The following CLIP4 variants were observed in gnomAD, a reference collection of about 807,000 sequenced individuals.
The protein encoded by CLIP4 is CAP-Gly domain-containing linker protein 4.
CLIP4 carries 47 observed loss-of-function variants against 73.1 expected under a neutral mutation model. The ratio of observed to expected loss-of-function variants is 0.64; its 90% confidence interval spans 0.51 to 0.82. The LOEUF (loss-of-function observed/expected upper bound fraction) is 0.82, where lower values mean the gene tolerates loss of function less well. Ranked by LOEUF, CLIP4 falls within the 40% of genes least tolerant of loss-of-function variation. The pLI, the probability that CLIP4 is intolerant of heterozygous loss-of-function variation, is 0.00. For missense variants in CLIP4, 874 were observed against 852.9 expected (o/e 1.02, Z -0.31); for synonymous variants, 306 against 295.4 (o/e 1.04, Z -0.37).
chr2:29,130,712 T>C (rs1409733854), intron 2 of CLIP4: 1 of 1,220,796 alleles, frequency 8.2e-7, no homozygotes, highest in African/African-American at 1.6e-5. Flanking sequence ...GCTCTGCTTG[T>C]ATATGTGTCT....
chr2:29,105,003 T>C (rs1361112717), intron 1 of CLIP4, among the ~76,000 whole-genome samples: 1 of 152,142 alleles, frequency 6.6e-6, no homozygotes, highest in Non-Finnish European at 1.5e-5. Flanking sequence ...GGGACTCTGC[T>C]TTTGTCCAAT....
intron 2 of CLIP4, among the ~76,000 whole-genome samples, chr2:29,124,720 T>C (rs1664487405): frequency 6.6e-6 from 1 of 152,214 alleles, no homozygotes; most frequent in Non-Finnish European, 1.5e-5. Flanking sequence ...AATTAGCTGC[T>C]GATTTTTTCC....
chr2:29,157,218 T>C lies in CLIP4; in HGVS notation c.1270T>C (p.Ser424Pro). 6.2e-7 allele frequency: 1 copy of C among 1,614,064 alleles called. No homozygotes were observed. The highest frequency in any genetic ancestry group is 1.3e-5 in the African/African-American group (1 of 75,028). ...VTEKDVALLG[S>P]VSSCSSTSSL... ...ATCTGTTACAGTTGCCCTGCTTGGATCTGTCAGCAGCTGCTCCTCTACATC... is the reference window on the plus strand; with the variant it reads ...ATCTGTTACAGTTGCCCTGCTTGGACCTGTCAGCAGCTGCTCCTCTACATC... Residue 424 changes from serine to proline, a missense_variant, in exon 11 of 16, where the codon TCT becomes CCT. Physicochemically the swap from Ser to Pro is moderately conservative, Grantham distance 74 (BLOSUM62 -1). Transcript: ENST00000320081.
chr2:29,148,273 A>G (rs866710925), intron 8 of CLIP4, among the ~76,000 whole-genome samples: 7 of 152,182 alleles, frequency 4.6e-5, no homozygotes, highest in East Asian at 3.8e-4. Context: ...GAATTTCTCA[A>G]CAATGGTTTT....
intron 2 of CLIP4, chr2:29,130,012 C>G (rs1266287879): frequency 2.1e-6 from 1 of 471,112 alleles, no homozygotes; most frequent in Admixed American, 2.3e-5. Context: ...GTGTTTCACC[C>G]TTCCCCCTTT....
Position 29,145,316 on chromosome 2 carries a change from A to C in CLIP4, c.970A>C (p.Asn324His), listed in dbSNP as rs1326566138. The change falls in exon 8 of 16, where the codon AAT becomes CAT. Residue 324 changes from asparagine to histidine, a missense_variant. Asn to His is a moderately conservative substitution (Grantham distance 68). Coordinates refer to ENST00000320081, the MANE Select transcript of CLIP4 (RefSeq NM_024692.6). ...TGAACTGGATGAACCAGAAGGAAAA[A>C]ATAATGGAAGTGTTGGAAAAGTCCA... ...GIELDEPEGKNNGSVGKVQYF... is the reference protein window; with the variant it reads ...GIELDEPEGKHNGSVGKVQYF... The C allele has an allele frequency of 6.2e-7, 1 of 1,613,522 alleles. No individual in the cohort carries two copies. The highest frequency in any genetic ancestry group is 1.7e-5 in the Admixed American group (1 of 60,014).
chr2:29,145,433 G>A lies in CLIP4; in HGVS notation c.1021+66G>A, dbSNP rs1666089999. 5 of 1,349,472 alleles carry A rather than the reference G, an allele frequency of 3.7e-6. No homozygotes were observed. In the East Asian group the frequency reaches 9.5e-5, roughly 26 times the overall value. The allele number at this position is 1,349,472 out of a possible 1,614,324, so 83.6% of individuals were successfully genotyped here. A position where few individuals can be genotyped will look rare whatever the true frequency, so the allele number is the denominator to read the frequency against. On this transcript the variant is annotated intron_variant, in intron 8 of 15. Transcript: ENST00000320081. ...AATAATCAAGTTTTACTCTTTTACAGTTGTTAAATAAAACTTTTCTCCTGA... is the reference window on the plus strand; with the variant it reads ...AATAATCAAGTTTTACTCTTTTACAATTGTTAAATAAAACTTTTCTCCTGA...
intron 12 of CLIP4, among the ~76,000 whole-genome samples, chr2:29,162,080 G>A (rs1317002538): frequency 2.0e-5 from 3 of 152,082 alleles, no homozygotes; most frequent in Non-Finnish European, 4.4e-5. Flanking sequence ...TAACCGCACA[G>A]GTAGGTTATT....
At chr2:29,171,410 T>A (rs1419674125) in intron 14 of CLIP4, among the ~76,000 whole-genome samples, 1 of 152,168 alleles carries the variant, frequency 6.6e-6, no homozygotes, top group African/African-American at 2.4e-5. Context: ...TATACCAACT[T>A]TCTTTTGGTT....
At position 29,181,912 on chromosome 2, in the gene CLIP4, A is replaced by G. The variant is rs1369256332; in HGVS notation, c.*19A>G. 1.3e-6 allele frequency: 2 copies of G among 1,550,784 alleles called. No individual in the cohort carries two copies. Among genetic ancestry groups the G allele is most frequent in the Non-Finnish European group, 1.8e-6 (2 of 1,140,436 alleles). The stretch of plus-strand genomic sequence containing the variant: ...TTGTTAAGCTTCTAAAATATTAAAT[A>G]AGCTCAAATATATATATTTGGTGTA... On this transcript the variant is annotated 3_prime_UTR_variant, in exon 16 of 16. Coordinates refer to ENST00000320081, the MANE Select transcript of CLIP4 (RefSeq NM_024692.6).
chr2:29,156,205 C>T lies in CLIP4; in HGVS notation c.1166-149C>T. On this transcript the variant is annotated intron_variant, in intron 9 of 15. Coordinates refer to ENST00000320081, the MANE Select transcript of CLIP4 (RefSeq NM_024692.6). ...TCGTATGCTAGTGCTTATACCAAAACATGTCCTCATATGTCTGTGCAGTTG... is the reference window on the plus strand; with the variant it reads ...TCGTATGCTAGTGCTTATACCAAAATATGTCCTCATATGTCTGTGCAGTTG... 5 of 532,314 alleles carry T rather than the reference C, an allele frequency of 9.4e-6. 1 individual carries two copies. Among genetic ancestry groups the T allele is most frequent in the South Asian group, 6.0e-5 (2 of 33,394 alleles). The allele number at this position is 532,314 out of a possible 1,614,324, so 33.0% of individuals were successfully genotyped here.
chr2:29,110,331 G>A (rs1403418873), intron 1 of CLIP4, among the ~76,000 whole-genome samples: 2 of 152,232 alleles, frequency 1.3e-5, no homozygotes, highest in East Asian at 1.9e-4. Context: ...GGTAGAAGCA[G>A]TAGGAGGTTC....
intron 1 of CLIP4, among the ~76,000 whole-genome samples, chr2:29,100,687 T>C (rs1042545981): frequency 2.0e-5 from 3 of 151,154 alleles, no homozygotes; most frequent in South Asian, 2.1e-4. Context: ...GGAAGTGAGG[T>C]AGGAATGGGA....
chr2:29,121,446 T>C lies in CLIP4; in HGVS notation c.58T>C (p.Tyr20His), dbSNP rs762562936. 5.6e-6 allele frequency: 9 copies of C among 1,613,740 alleles called. No individual in the cohort carries two copies. The highest frequency in any genetic ancestry group is 4.4e-5 in the South Asian group (4 of 91,064). ...AGAAGGAAATCCTTTGTTTGGAAGATACCCATTTATATTTTCTGCTTCTGA... is the reference window on the plus strand; with the variant it reads ...AGAAGGAAATCCTTTGTTTGGAAGACACCCATTTATATTTTCTGCTTCTGA... ...PLEGNPLFGR[Y>H]PFIFSASDTP... Residue 20 changes from tyrosine (Y) to histidine (H), a missense_variant, in exon 2 of 16, where the codon TAC becomes CAC. Transcript: ENST00000320081.
chr2:29,148,968 A>G (rs3100229), intron 8 of CLIP4, among the ~76,000 whole-genome samples: 134,425 of 152,194 alleles, frequency 0.88, 59,513 homozygotes, highest in Non-Finnish European at 0.91. Flanking sequence ...GGAAAGTTAG[A>G]TTGGATTTCA....
chr2:29,139,350 G>A (rs916622006), intron 6 of CLIP4, among the ~76,000 whole-genome samples: 1 of 152,046 alleles, frequency 6.6e-6, no homozygotes. Context: ...TGATCACGGT[G>A]AATTATCTTT....
intron 1 of CLIP4, among the ~76,000 whole-genome samples, chr2:29,100,436 T>C (rs1436152978): frequency 2.0e-5 from 3 of 152,092 alleles, no homozygotes; most frequent in African/African-American, 7.2e-5. Flanking sequence ...CCCAACAGTT[T>C]CCTCTACTGT....
At chr2:29,134,950 C>T (rs995025740) in intron 5 of CLIP4, among the ~76,000 whole-genome samples, 13 of 152,038 alleles carry the variant, frequency 8.6e-5, no homozygotes. Context: ...CTTTGTTTTA[C>T]CTACCAGGTA....
At chr2:29,110,057 C>CAAA (rs200055477) in intron 1 of CLIP4, among the ~76,000 whole-genome samples, 30 of 149,464 alleles carry the variant, frequency 2.0e-4, no homozygotes, top group African/African-American at 7.3e-4. Flanking sequence ...GATTCTGTCT[C>CAAA]AAAAAAATAA....
Sources: allele counts gnomAD v4.1 joint callset (sites outside exome capture counted in the v4.1 genomes callset), GRCh38; gene constraint gnomAD v4.1.1; transcripts MANE v1.5; gene names NCBI Gene and HGNC (gene_info 2026-07-23, HGNC 2026-07-21).